RALYL: variants seen among roughly 807,000 people sequenced by gnomAD.
The protein encoded by RALYL is RNA-binding Raly-like protein.
RALYL carries 29 observed loss-of-function variants against 35.1 expected under a neutral mutation model. That is an observed-to-expected ratio of 0.83 (90% confidence interval 0.61 to 1.13). The LOEUF (loss-of-function observed/expected upper bound fraction) is 1.13, where lower values mean the gene tolerates loss of function less well. Ranked by LOEUF, RALYL falls within the 50% of genes most tolerant of loss-of-function variation. The pLI, the probability that RALYL is intolerant of heterozygous loss-of-function variation, is 0.00. For missense variants in RALYL, 359 were observed against 360.4 expected (o/e 1.00, Z 0.03); for synonymous variants, 120 against 127.6 (o/e 0.94, Z 0.40).
chr8:84,630,544 T>A (rs1025416719), intron 2 of RALYL, among the ~76,000 whole-genome samples: 3 of 152,054 alleles, frequency 2.0e-5, no homozygotes, highest in Non-Finnish European at 4.4e-5. Context: ...TGCTTCCATG[T>A]TTCTCCTCAA....
intron 3 of RALYL, among the ~76,000 whole-genome samples, chr8:84,785,166 T>C (rs1211253256): frequency 6.6e-6 from 1 of 152,134 alleles, no homozygotes; most frequent in African/African-American, 2.4e-5. Flanking sequence ...ATGTAGGGGG[T>C]ACCTGAGCAG....
intron 2 of RALYL, among the ~76,000 whole-genome samples, chr8:84,622,411 A>T (rs1315033355): frequency 6.6e-6 from 1 of 152,202 alleles, no homozygotes; most frequent in Non-Finnish European, 1.5e-5. Flanking sequence ...ATCGTTTACT[A>T]GGCCAGGCTA....
chr8:84,256,976 T>C (rs1474768156), intron 1 of RALYL, among the ~76,000 whole-genome samples: 1 of 152,000 alleles, frequency 6.6e-6, no homozygotes, highest in Non-Finnish European at 1.5e-5. Flanking sequence ...GGCAGATATT[T>C]ATTATATTGG....
chr8:84,855,075 T>C (rs940265334), intron 5 of RALYL, among the ~76,000 whole-genome samples: 1 of 152,226 alleles, frequency 6.6e-6, no homozygotes, highest in Non-Finnish European at 1.5e-5. Flanking sequence ...GGGGTAATGC[T>C]GAAAAGAGCA....
intron 1 of RALYL, among the ~76,000 whole-genome samples, chr8:84,264,489 G>T (rs964554110): frequency 1.8e-5 from 2 of 110,770 alleles, no homozygotes; most frequent in Non-Finnish European, 3.6e-5. Context: ...TGAGTTCCTT[G>T]TAGATTCTGG....
chr8:84,324,560 T>C (rs1235220786), intron 1 of RALYL, among the ~76,000 whole-genome samples: 1 of 152,084 alleles, frequency 6.6e-6, no homozygotes, highest in Non-Finnish European at 1.5e-5. Flanking sequence ...AATCTTTCAG[T>C]TCCCTGTTTA....
chr8:84,900,755 C>G (rs1215616010), intron 8 of RALYL, among the ~76,000 whole-genome samples: 1 of 151,898 alleles, frequency 6.6e-6, no homozygotes, highest in Non-Finnish European at 1.5e-5. Flanking sequence ...AACAAATTTA[C>G]AAGCATGTAA....
intron 1 of RALYL, among the ~76,000 whole-genome samples, chr8:84,416,895 G>A (rs548413919): frequency 1.4e-4 from 21 of 152,250 alleles, no homozygotes; most frequent in African/African-American, 5.1e-4. Context: ...GGAAAGTGTA[G>A]CCTTCTTACT....
At chr8:84,623,382 T>TG (rs1243804467) in intron 2 of RALYL, among the ~76,000 whole-genome samples, 1 of 152,162 alleles carries the variant, frequency 6.6e-6, no homozygotes. Context: ...TCTTGATATG[T>TG]ATAGAAGGAT....
chr8:84,219,860 C>T (rs960475055), intron 1 of RALYL, among the ~76,000 whole-genome samples: 6 of 128,050 alleles, frequency 4.7e-5, no homozygotes, highest in East Asian at 2.1e-4. Flanking sequence ...TAACAGAAGA[C>T]GTATAGATAG....
intron 3 of RALYL, among the ~76,000 whole-genome samples, chr8:84,785,971 C>T (rs1267947960): frequency 2.0e-5 from 3 of 152,190 alleles, no homozygotes; most frequent in Admixed American, 6.6e-5. Flanking sequence ...TATTCTGATG[C>T]TCTCCCTCTC....
chr8:84,624,685 A>G (rs1207988826), intron 2 of RALYL, among the ~76,000 whole-genome samples: 7 of 152,184 alleles, frequency 4.6e-5, no homozygotes, highest in Non-Finnish European at 1.0e-4. Flanking sequence ...ACAGTCTACA[A>G]GGATTAGGAC....
chr8:84,878,620 T>C (rs1481524678), intron 7 of RALYL, among the ~76,000 whole-genome samples: 1 of 148,504 alleles, frequency 6.7e-6, no homozygotes, highest in Non-Finnish European at 1.5e-5. Flanking sequence ...AAAAAAACAC[T>C]AATACCCTCA....
intron 2 of RALYL, among the ~76,000 whole-genome samples, chr8:84,661,409 G>A (rs1830884396): frequency 6.6e-6 from 1 of 151,758 alleles, no homozygotes; most frequent in East Asian, 1.9e-4. Flanking sequence ...AATCTTTATT[G>A]TTGATTATAC....
intron 4 of RALYL, among the ~76,000 whole-genome samples, chr8:84,808,268 C>T (rs1003658183): frequency 2.4e-4 from 36 of 152,132 alleles, no homozygotes; most frequent in Non-Finnish European, 4.0e-4. Context: ...GTGTCCTTTT[C>T]CCACTTTATG....
chr8:84,261,162 A>G (rs148936477), intron 1 of RALYL, among the ~76,000 whole-genome samples: 2,874 of 151,968 alleles, frequency 0.019, 41 homozygotes, highest in Non-Finnish European at 0.031. Context: ...TTCAGGTGGA[A>G]TTAATTTTTA....
At chr8:84,842,612 AT>A (rs1833686074) in intron 4 of RALYL, among the ~76,000 whole-genome samples, 2 of 152,174 alleles carry the variant, frequency 1.3e-5, no homozygotes, top group African/African-American at 4.8e-5. Context: ...TCCCTAACTA[AT>A]TTTATGAGGC....
At chr8:84,593,449 A>G (rs771601185) in intron 2 of RALYL, among the ~76,000 whole-genome samples, 26 of 152,106 alleles carry the variant, frequency 1.7e-4, no homozygotes, top group Non-Finnish European at 3.5e-4. Context: ...AAGAATTTTC[A>G]AAAAGATCTC....
intron 1 of RALYL, among the ~76,000 whole-genome samples, chr8:84,276,000 A>C (rs1305656801): frequency 6.6e-6 from 1 of 152,210 alleles, no homozygotes; most frequent in Admixed American, 6.5e-5. Context: ...ACTCGGTGGC[A>C]TATAAAACAT....
Sources: allele counts gnomAD v4.1 joint callset (sites outside exome capture counted in the v4.1 genomes callset), GRCh38; gene constraint gnomAD v4.1.1; transcripts MANE v1.5; gene names NCBI Gene and HGNC (gene_info 2026-07-23, HGNC 2026-07-21).